Variants in DPP8 observed in about 807,000 individuals in gnomAD.
DPP8 encodes the protein DPP VIII.
In DPP8, 31 loss-of-function variants were observed where a neutral mutation model predicts 107.5. That is an observed-to-expected ratio of 0.29 (90% CI 0.22 to 0.39). The LOEUF (loss-of-function observed/expected upper bound fraction) is 0.39. DPP8 is among the 10% of genes least tolerant of loss of function. The pLI, the probability that DPP8 is intolerant of heterozygous loss-of-function variation, is 1.00. For missense variants in DPP8, 842 were observed against 1,076.1 expected (o/e 0.78, Z 3.04); for synonymous variants, 381 against 356.6 (o/e 1.07, Z -0.77).
In DPP8 at chr15:65,500,635, C is replaced by T. The variant is rs201216035; in HGVS notation, c.517G>A (p.Val173Ile). ...AATCCTTGTGGCCCTCCATCTTTTA[C>T]GTGATAAATTCCACTACCGGCTTGA... ...LFQAGSGIYH[V>I]KDGGPQGFTQ... Residue 173 changes from valine to isoleucine, a missense_variant, in exon 4 of 20, where the codon GTA becomes ATA. Physicochemically the swap from Val to Ile is conservative, Grantham distance 29 (BLOSUM62 3). Around this residue, in one of 2 missense-constraint regions of DPP8, gnomAD observed 663 missense variants for 758.0 expected, o/e 0.87. Coordinates refer to ENST00000300141, the MANE Select transcript of DPP8 (RefSeq NM_130434.5). 4.0e-5 allele frequency: 65 copies of T among 1,614,026 alleles called. 1 individual carries two copies. Among genetic ancestry groups the T allele is most frequent in the Admixed American group, 2.3e-4 (14 of 59,966 alleles).
At chr15:65,473,979 CTG>C (rs1296780061) in intron 12 of DPP8, among the ~76,000 whole-genome samples, 1 of 152,076 alleles carries the variant, frequency 6.6e-6, no homozygotes, top group East Asian at 1.9e-4. Flanking sequence ...TGGCACATGC[CTG>C]TAATCCCAGC....
chr15:65,503,661 C>G (rs1306941567), intron 3 of DPP8, among the ~76,000 whole-genome samples: 1 of 151,550 alleles, frequency 6.6e-6, no homozygotes, highest in Non-Finnish European at 1.5e-5. Flanking sequence ...CTTGCTCTGT[C>G]ACTCAGGGTA....
At chr15:65,455,160 T>G (rs2064306776) in intron 16 of DPP8, among the ~76,000 whole-genome samples, 1 of 152,184 alleles carries the variant, frequency 6.6e-6, no homozygotes. Flanking sequence ...GGAGACATGG[T>G]CTCACTCTGC....
At chr15:65,461,903 G>A (rs560502735) in intron 15 of DPP8, among the ~76,000 whole-genome samples, 12 of 136,854 alleles carry the variant, frequency 8.8e-5, no homozygotes, top group East Asian at 2.2e-4. Context: ...ACAGCCGACC[G>A]TTTTTTTTTT....
At chr15:65,471,681 T>C (rs1243211943) in intron 12 of DPP8, among the ~76,000 whole-genome samples, 1 of 151,870 alleles carries the variant, frequency 6.6e-6, no homozygotes, top group Admixed American at 6.6e-5. Flanking sequence ...AGAGACGGAG[T>C]CTCACTATGT....
intron 2 of DPP8, among the ~76,000 whole-genome samples, chr15:65,509,720 TATAAA>T (rs2070516300): frequency 6.6e-6 from 1 of 152,162 alleles, no homozygotes. Context: ...TATGATTTCT[TATAAA>T]AGAAAAGATT....
chr15:65,490,098 T>G (rs2067877483), intron 6 of DPP8, 91 bp downstream of exon 6: 1 of 597,008 alleles, frequency 1.7e-6, no homozygotes, highest in Non-Finnish European at 2.8e-6. Context: ...TCAAATCTAT[T>G]ATCCAAGATT....
At chr15:65,515,385 C>G (rs1567311791) in intron 1 of DPP8, among the ~76,000 whole-genome samples, 1 of 152,130 alleles carries the variant, frequency 6.6e-6, no homozygotes, top group African/African-American at 2.4e-5. Flanking sequence ...ATTGTACAGT[C>G]CAAATGATGG....
chr15:65,452,265 T>C (rs116649050), intron 17 of DPP8, among the ~76,000 whole-genome samples, 163 bp from the exon 18 acceptor site: 79 of 152,290 alleles, frequency 5.2e-4, no homozygotes, highest in African/African-American at 1.9e-3. Flanking sequence ...AGTGAAGCGC[T>C]AAGGTCAAGA....
intron 5 of DPP8, among the ~76,000 whole-genome samples, chr15:65,494,800 C>T (rs2068419223): frequency 6.6e-6 from 1 of 152,118 alleles, no homozygotes; most frequent in South Asian, 2.1e-4. Context: ...AAAATCTATA[C>T]TTTTAACTTA....
intron 4 of DPP8, 74 bp from the exon 5 acceptor site, chr15:65,498,106 T>A: frequency 1.8e-6 from 2 of 1,132,786 alleles, no homozygotes; most frequent in Non-Finnish European, 2.4e-6. Flanking sequence ...TCCTATAAGA[T>A]GAACAATATT....
chr15:65,517,354 G>C (rs964336184), intron 1 of DPP8, 132 bp downstream of exon 1: 1 of 152,358 alleles, frequency 6.6e-6, no homozygotes, highest in South Asian at 2.1e-4. Context: ...AGGGCGGCGC[G>C]CCGGGTAAAC....
In DPP8 at chr15:65,514,359, C is replaced by T. The variant is rs561907040; in HGVS notation, c.-11-1795G>A. 4.6e-5 allele frequency among the ~76,000 whole-genome samples: 7 copies of T among 152,246 alleles called. No individual in the cohort carries two copies. The South Asian group carries it at 1.5e-3, about 32-fold the overall frequency. ...TGGCAGGGAATTAAGTCATTTAGTT[C>T]AAGGAGTATCCAGCACACTGATATT... On this transcript the variant is annotated intron_variant, in intron 1 of 19. Transcript: ENST00000300141.
intron 1 of DPP8, chr15:65,515,616 C>T: frequency 6.3e-7 from 1 of 1,592,524 alleles, no homozygotes; most frequent in African/African-American, 1.3e-5. Context: ...TTTCACTGCC[C>T]CACCTACCTC....
chr15:65,491,075 T>A (rs547650976), intron 5 of DPP8, among the ~76,000 whole-genome samples: 7 of 150,222 alleles, frequency 4.7e-5, no homozygotes, highest in Non-Finnish European at 4.4e-5. Context: ...GGAGAATCGC[T>A]TGAACCCGGG....
chr15:65,454,826 C>T (rs951074871), intron 16 of DPP8, among the ~76,000 whole-genome samples: 5 of 151,360 alleles, frequency 3.3e-5, no homozygotes, highest in African/African-American at 4.9e-5. Flanking sequence ...CACCCGGCCC[C>T]GTAGGTTTTT....
intron 15 of DPP8, among the ~76,000 whole-genome samples, chr15:65,456,828 C>G (rs1054517652): frequency 6.6e-6 from 1 of 152,104 alleles, no homozygotes; most frequent in Non-Finnish European, 1.5e-5. Context: ...CTTTGGCTAC[C>G]TCTGACCTCA....
chr15:65,494,457 A>G (rs904060654), intron 5 of DPP8, among the ~76,000 whole-genome samples: 8 of 151,642 alleles, frequency 5.3e-5, no homozygotes, highest in Non-Finnish European at 1.0e-4. Context: ...TCCTGGGCTC[A>G]AGAGCTCTTC....
Position 65,489,413 on chromosome 15 carries a change from C to CTTTTTTTT in DPP8, c.826+768_826+775dup, listed in dbSNP as rs71924792. 2.8e-4 allele frequency among the ~76,000 whole-genome samples: 29 copies of CTTTTTTTT among 104,232 alleles called. 1 individual carries two copies. Among genetic ancestry groups the CTTTTTTTT allele is most frequent in the South Asian group, 3.3e-4 (1 of 3,072 alleles). The allele number at this position is 104,232 out of a possible 152,430, so 68.4% of individuals were successfully genotyped here. ...CTTCATTATGATGAAATATAATCTA[C>CTTTTTTTT]TTTTTTTTTTTTTTTTTTGAGACAG... is the stretch of plus-strand genomic sequence containing the variant. On this transcript the variant is annotated intron_variant, in intron 6 of 19. Coordinates refer to ENST00000300141, the MANE Select transcript of DPP8 (RefSeq NM_130434.5).
Sources: allele counts gnomAD v4.1 joint callset (sites outside exome capture counted in the v4.1 genomes callset), GRCh38; gene constraint gnomAD v4.1.1; regional missense constraint gnomAD v4.1.1; transcripts MANE v1.5; gene names NCBI Gene and HGNC (gene_info 2026-07-23, HGNC 2026-07-21).